The following CELF4 variants were observed in gnomAD, a reference collection of about 807,000 sequenced individuals.
The protein encoded by CELF4 is CUG-BP- and ETR-3-like factor 4.
In CELF4, 18 loss-of-function variants were observed where a neutral mutation model predicts 59.9. The ratio of observed to expected loss-of-function variants is 0.30; its 90% CI spans 0.21 to 0.45. The LOEUF (loss-of-function observed/expected upper bound fraction) is 0.45, where lower values mean the gene tolerates loss of function less well. Ranked by LOEUF, CELF4 falls within the 20% of genes least tolerant of loss-of-function variation. The probability of loss-of-function intolerance (pLI) is 1.00; values close to 1 mark genes in which losing one functional copy is unlikely to be tolerated. For missense variants in CELF4, 456 were observed against 689.0 expected (o/e 0.66, Z 3.79); for synonymous variants, 261 against 267.1 (o/e 0.98, Z 0.22).
At chr18:37,408,495 G>GGC (rs2099406769) in intron 2 of CELF4, among the ~76,000 whole-genome samples, 3 of 122,222 alleles carry the variant, frequency 2.5e-5, no homozygotes, top group African/African-American at 9.0e-5. Flanking sequence ...TTGGTGCCGG[G>GGC]GGGGGGCGCG....
intron 6 of CELF4, 61 bp downstream of exon 6, chr18:37,274,250 C>G: frequency 6.3e-7 from 1 of 1,592,220 alleles, no homozygotes; most frequent in Non-Finnish European, 8.5e-7. Flanking sequence ...TCATGTCCCG[C>G]TCTCTGAGGC....
intron 6 of CELF4, 73 bp from the exon 7 acceptor site, chr18:37,273,236 C>G: frequency 6.5e-7 from 1 of 1,545,588 alleles, no homozygotes; most frequent in Non-Finnish European, 8.8e-7. Flanking sequence ...GCCTCAGCTC[C>G]TGGAGACCAA....
chr18:37,535,537 A>G (rs1250172890), intron 1 of CELF4, among the ~76,000 whole-genome samples: 2 of 152,202 alleles, frequency 1.3e-5, no homozygotes, highest in Non-Finnish European at 2.9e-5. Context: ...TGAGAGTAGC[A>G]GGAAGAGTTC....
intron 1 of CELF4, among the ~76,000 whole-genome samples, chr18:37,544,038 G>C (rs1022472370): frequency 6.6e-6 from 1 of 152,202 alleles, no homozygotes; most frequent in Non-Finnish European, 1.5e-5. Context: ...CCAGGTGGGG[G>C]AATAGCCTGA....
intron 1 of CELF4, among the ~76,000 whole-genome samples, chr18:37,504,242 G>A (rs2099935006): frequency 6.6e-6 from 1 of 152,138 alleles, no homozygotes; most frequent in Non-Finnish European, 1.5e-5. Context: ...TGTAATCCCA[G>A]CACCTTGGGA....
intron 1 of CELF4, among the ~76,000 whole-genome samples, chr18:37,528,679 A>C (rs940836396): frequency 4.6e-5 from 7 of 151,964 alleles, no homozygotes; most frequent in Admixed American, 6.6e-5. Context: ...TACACAGGAA[A>C]CTGCACCTTC....
At position 37,299,289 on chromosome 18, in the gene CELF4, C is replaced by T. The variant is rs542828910; in HGVS notation, c.448+22514G>A. 2.0e-5 allele frequency among the ~76,000 whole-genome samples: 3 copies of T among 152,332 alleles called. No homozygotes were observed. The East Asian group carries it at 5.8e-4, about 29-fold the overall frequency. ...AAGACATTTGTGTCTCTTAAGCCTA[C>T]TTGTTGCAAATATTTTCTTGATTTA... is the stretch of plus-strand genomic sequence containing the variant. On this transcript the variant is annotated intron_variant, in intron 3 of 12. Transcript: ENST00000420428.
At chr18:37,384,637 A>G (rs1212076921) in intron 2 of CELF4, among the ~76,000 whole-genome samples, 1 of 152,186 alleles carries the variant, frequency 6.6e-6, no homozygotes, top group Non-Finnish European at 1.5e-5. Flanking sequence ...GCCTTAGCCT[A>G]TGGAGGGTGG....
At chr18:37,471,210 G>A (rs2099826832) in intron 2 of CELF4, among the ~76,000 whole-genome samples, 1 of 152,076 alleles carries the variant, frequency 6.6e-6, no homozygotes, top group South Asian at 2.1e-4. Context: ...CTCCTGGAAA[G>A]GGGGACTGAG....
chr18:37,265,389 C>T (rs961768162), intron 9 of CELF4, among the ~76,000 whole-genome samples: 2 of 152,108 alleles, frequency 1.3e-5, no homozygotes, highest in African/African-American at 4.8e-5. Flanking sequence ...ATTAAAAACA[C>T]CAAAATGGCC....
At chr18:37,297,084 G>A (rs769429564) in intron 3 of CELF4, among the ~76,000 whole-genome samples, 1 of 152,168 alleles carries the variant, frequency 6.6e-6, no homozygotes, top group Non-Finnish European at 1.5e-5. Context: ...TTGAAGGCCA[G>A]GCTAGGCATC....
chr18:37,385,752 G>A (rs911266737), intron 2 of CELF4, among the ~76,000 whole-genome samples: 2 of 152,220 alleles, frequency 1.3e-5, no homozygotes, highest in Non-Finnish European at 2.9e-5. Flanking sequence ...TTTCAAGTGC[G>A]AATCCTGTTT....
chr18:37,251,695 G>C (rs986424499), intron 12 of CELF4, among the ~76,000 whole-genome samples: 1 of 152,170 alleles, frequency 6.6e-6, no homozygotes, highest in Non-Finnish European at 1.5e-5. Flanking sequence ...TACAGAAAAA[G>C]CTGCTTTCAC....
intron 2 of CELF4, among the ~76,000 whole-genome samples, chr18:37,428,373 AG>A (rs2099627349): frequency 6.6e-6 from 1 of 151,996 alleles, no homozygotes; most frequent in Non-Finnish European, 1.5e-5. Flanking sequence ...CAGGGCAGGC[AG>A]GGGATGAGGG....
At chr18:37,376,048 C>A (rs2154567063) in intron 2 of CELF4, among the ~76,000 whole-genome samples, 1 of 152,306 alleles carries the variant, frequency 6.6e-6, no homozygotes, top group Non-Finnish European at 1.5e-5. Flanking sequence ...ATTTCTTTTA[C>A]TGAGCACAGG....
intron 2 of CELF4, among the ~76,000 whole-genome samples, chr18:37,377,916 A>G (rs2098989677): frequency 1.3e-5 from 2 of 152,182 alleles, no homozygotes; most frequent in African/African-American, 4.8e-5. Context: ...TAGGGGGAAC[A>G]GGAGAGCCAC....
At chr18:37,509,760 C>G (rs192044492) in intron 1 of CELF4, among the ~76,000 whole-genome samples, 1 of 152,230 alleles carries the variant, frequency 6.6e-6, no homozygotes, top group African/African-American at 2.4e-5. Flanking sequence ...GAATAGCCTA[C>G]ATTTTCATCA....
chr18:37,530,092 G>T (rs2099967943), intron 1 of CELF4, among the ~76,000 whole-genome samples: 1 of 152,202 alleles, frequency 6.6e-6, no homozygotes, highest in African/African-American at 2.4e-5. Flanking sequence ...ATCCTGCAGA[G>T]ATGACAGCCA....
intron 1 of CELF4, among the ~76,000 whole-genome samples, chr18:37,486,814 C>T (rs1196130294): frequency 6.6e-6 from 1 of 152,184 alleles, no homozygotes; most frequent in Non-Finnish European, 1.5e-5. Flanking sequence ...CTTCTGCCCC[C>T]GCATTCCTCT....
Sources: allele counts gnomAD v4.1 joint callset (sites outside exome capture counted in the v4.1 genomes callset), GRCh38; gene constraint gnomAD v4.1.1; transcripts MANE v1.5; gene names NCBI Gene and HGNC (gene_info 2026-07-23, HGNC 2026-07-21).